Variants in CNTNAP5 observed in about 807,000 individuals in gnomAD.
CNTNAP5 encodes the protein contactin associated protein family member 5, also known as contactin-associated protein-like 5.
Under a neutral mutation model 150.2 loss-of-function variants are expected in CNTNAP5, and 72 were observed. The observed-to-expected ratio is 0.48, with a 90% CI of 0.40 to 0.58. The LOEUF (loss-of-function observed/expected upper bound fraction) is 0.58. Among genes scored for constraint, CNTNAP5 ranks in the 20% least tolerant of loss-of-function variants. CNTNAP5 has a pLI of 0.00. For missense variants in CNTNAP5, 1,636 were observed against 1,626.2 expected, an observed-to-expected ratio of 1.01 and a Z score of -0.10; for synonymous variants, 672 against 619.8, an observed-to-expected ratio of 1.08 and a Z score of -1.25.
chr2:124,647,644 G>A lies in CNTNAP5; in HGVS notation c.1877-114G>A, dbSNP rs907308941. Reference sequence around the variant, plus strand: ...AATTTCTCTGTCCTACTCTCCATACGGTACCGGAGTGTTGATTAATGTTGC... The same window carrying A: ...AATTTCTCTGTCCTACTCTCCATACAGTACCGGAGTGTTGATTAATGTTGC... On this transcript the variant is annotated intron_variant, in intron 12 of 23. Transcript: ENST00000682447. The A allele has an allele frequency of 1.5e-5, 13 of 885,688 alleles. No individual in the cohort carries two copies. In the African/African-American group the frequency reaches 1.5e-4, roughly 10 times the overall value. 54.9% of individuals were successfully genotyped at this position (885,688 alleles called of 1,614,324 possible). A position where few individuals can be genotyped will look rare whatever the true frequency, so the allele number is the denominator to read the frequency against.
chr2:124,055,180 C>T (rs1475169076), intron 1 of CNTNAP5, among the ~76,000 whole-genome samples: 1 of 152,198 alleles, frequency 6.6e-6, no homozygotes, highest in African/African-American at 2.4e-5. Context: ...TGGATGTGAA[C>T]ATCTGTAAGC....
rs1195327935 is a variant in CNTNAP5, at chr2:124,563,299, T to C, written c.1732T>C (p.Tyr578His). 1 of 1,565,920 alleles carries C rather than the reference T, an allele frequency of 6.4e-7. No individual in the cohort carries two copies. Among genetic ancestry groups the C allele is most frequent in the Non-Finnish European group, 8.7e-7 (1 of 1,154,052 alleles). ...CTATTGTAACTGCAGTGACACAAGT[T>C]ACACTGGTGCCACCTGCCACAACTG... is the stretch of plus-strand genomic sequence containing the variant. The part of the protein sequence containing the change: ...TFYCNCSDTS[Y>H]TGATCHNSIY... The change falls in exon 11 of 24, where the codon TAC (tyrosine) becomes CAC (histidine). Residue 578 changes from tyrosine to histidine, a missense_variant. Coordinates refer to ENST00000682447, the MANE Select transcript of CNTNAP5 (RefSeq NM_001367498.1).
intron 1 of CNTNAP5, among the ~76,000 whole-genome samples, chr2:124,181,298 G>A (rs150501415): frequency 2.6e-5 from 4 of 152,130 alleles, no homozygotes; most frequent in East Asian, 3.9e-4. Context: ...TTTTGTGTTC[G>A]TAAGAGTGAT....
chr2:124,545,619 G>T (rs1370472389), intron 10 of CNTNAP5, among the ~76,000 whole-genome samples: 2 of 151,954 alleles, frequency 1.3e-5, no homozygotes, highest in African/African-American at 2.4e-5. Context: ...GGTGACTGTG[G>T]TCCTGGGAAT....
chr2:124,031,276 T>C (rs555292798), intron 1 of CNTNAP5, among the ~76,000 whole-genome samples: 2 of 152,248 alleles, frequency 1.3e-5, no homozygotes, highest in East Asian at 3.9e-4. Context: ...TCATATTTTA[T>C]TTGAAAGTCT....
At chr2:124,876,776 A>G (rs1175009546) in intron 21 of CNTNAP5, among the ~76,000 whole-genome samples, 1 of 152,066 alleles carries the variant, frequency 6.6e-6, no homozygotes, top group Non-Finnish European at 1.5e-5. Context: ...TCAGACTCAA[A>G]TCCTCACATT....
intron 3 of CNTNAP5, among the ~76,000 whole-genome samples, chr2:124,362,751 C>G (rs969176085): frequency 6.6e-6 from 1 of 152,140 alleles, no homozygotes. Context: ...CCATCTGTAC[C>G]TTTGAAGAGT....
At chr2:124,245,154 A>T (rs1304679041) in intron 3 of CNTNAP5, among the ~76,000 whole-genome samples, 1 of 152,222 alleles carries the variant, frequency 6.6e-6, no homozygotes, top group Non-Finnish European at 1.5e-5. Context: ...ATGTTGCTAA[A>T]TATAAAAGTG....
Position 124,046,726 on chromosome 2 carries a change from G to A in CNTNAP5, c.82+20994G>A, listed in dbSNP as rs193108598. ...TTCGTACAAGAAAAGAAGACAATTGGGTTTTTAATGCCAAGGGGACATTTT... is the reference window on the plus strand; with the variant it reads ...TTCGTACAAGAAAAGAAGACAATTGAGTTTTTAATGCCAAGGGGACATTTT... On this transcript the variant is annotated intron_variant, in intron 1 of 23. Coordinates refer to ENST00000682447, the MANE Select transcript of CNTNAP5 (RefSeq NM_001367498.1). Among the ~76,000 whole-genome samples, 163 of 152,082 alleles carry A rather than the reference G, an allele frequency of 1.1e-3. 1 individual carries two copies. Among genetic ancestry groups the A allele is most frequent in the Middle Eastern group, 3.4e-3 (1 of 294 alleles).
intron 12 of CNTNAP5, among the ~76,000 whole-genome samples, chr2:124,622,790 G>A (rs1166199936): frequency 6.6e-6 from 1 of 152,102 alleles, no homozygotes; most frequent in African/African-American, 2.4e-5. Flanking sequence ...ACAAAAGCAA[G>A]CTGAGTTCAA....
chr2:124,064,046 A>T (rs1573727490), intron 1 of CNTNAP5, among the ~76,000 whole-genome samples: 2 of 152,174 alleles, frequency 1.3e-5, no homozygotes, highest in Non-Finnish European at 2.9e-5. Context: ...CAGACTTAGG[A>T]TGAAGCCGTT....
At position 124,776,482 on chromosome 2, in the gene CNTNAP5, G is replaced by A. The variant is rs1319564261; in HGVS notation, c.2752+3465G>A. 2.0e-5 allele frequency among the ~76,000 whole-genome samples: 3 copies of A among 152,186 alleles called. No individual in the cohort carries two copies. The East Asian group carries it at 5.8e-4, about 29-fold the overall frequency. ...TTTCAGGTGAAGCGTGTCAAACTCA[G>A]TGAGGTCAAGGGTGAAGCCAGGCAG... On this transcript the variant is annotated intron_variant, in intron 17 of 23. Coordinates refer to ENST00000682447, the MANE Select transcript of CNTNAP5 (RefSeq NM_001367498.1).
At chr2:124,698,666 G>A (rs1264805315) in intron 13 of CNTNAP5, among the ~76,000 whole-genome samples, 1 of 152,058 alleles carries the variant, frequency 6.6e-6, no homozygotes, top group Non-Finnish European at 1.5e-5. Context: ...CATCATGGTC[G>A]ACACTGGCAT....
chr2:124,619,908 C>CATATATATATATATAT (rs10540154), intron 12 of CNTNAP5, among the ~76,000 whole-genome samples: 16 of 115,524 alleles, frequency 1.4e-4, no homozygotes, highest in African/African-American at 7.3e-4. Context: ...CTGTCTCATT[C>CATATATATATATATAT]ATATATATAT....
chr2:124,670,995 C>A (rs557361857), intron 13 of CNTNAP5, among the ~76,000 whole-genome samples: 1 of 152,272 alleles, frequency 6.6e-6, no homozygotes, highest in Admixed American at 6.5e-5. Flanking sequence ...ATTGTATTTT[C>A]CATGCCCAGA....
intron 3 of CNTNAP5, among the ~76,000 whole-genome samples, chr2:124,381,486 A>G (rs1690794141): frequency 6.6e-6 from 1 of 152,018 alleles, no homozygotes; most frequent in African/African-American, 2.4e-5. Flanking sequence ...AGTGGGAAAG[A>G]CTGATGGGTG....
intron 12 of CNTNAP5, among the ~76,000 whole-genome samples, chr2:124,632,940 A>G (rs1315865428): frequency 6.6e-6 from 1 of 152,032 alleles, no homozygotes; most frequent in African/African-American, 2.4e-5. Flanking sequence ...ACACTTTTAA[A>G]CAATGAGATC....
chr2:124,785,533 A>G (rs1681548892), intron 17 of CNTNAP5, among the ~76,000 whole-genome samples: 1 of 152,220 alleles, frequency 6.6e-6, no homozygotes, highest in South Asian at 2.1e-4. Flanking sequence ...GTGTAGGACA[A>G]ACAGTGGAGT....
chr2:124,617,168 A>G (rs1359046435), intron 12 of CNTNAP5, among the ~76,000 whole-genome samples: 2 of 152,130 alleles, frequency 1.3e-5, no homozygotes, highest in African/African-American at 4.8e-5. Flanking sequence ...GAAAAATGGT[A>G]CCGACAGACT....
Sources: gnomAD v4.1 joint callset for allele counts (sites outside exome capture counted in the v4.1 genomes callset) on GRCh38, gnomAD v4.1.1 for gene constraint, MANE v1.5 for transcripts, NCBI Gene and HGNC (gene_info 2026-07-23, HGNC 2026-07-21) for gene names.